The following KPNA3 variants were observed in gnomAD, a reference collection of about 807,000 sequenced individuals.
KPNA3 encodes the protein karyopherin subunit alpha 3, also known as importin subunit alpha-4.
A neutral mutation model predicts 73.8 loss-of-function variants in KPNA3; 13 were observed. That is an observed-to-expected ratio of 0.18 (90% CI 0.11 to 0.28). The LOEUF (loss-of-function observed/expected upper bound fraction) is 0.28. Ranked by LOEUF, KPNA3 falls within the 10% of genes least tolerant of loss-of-function variation. KPNA3 has a pLI of 1.00. For missense variants in KPNA3, 360 were observed against 618.1 expected (o/e 0.58, Z 4.43); for synonymous variants, 186 against 206.9 (o/e 0.90, Z 0.87).
At position 49,701,813 on chromosome 13, in the gene KPNA3, T is replaced by C; in HGVS notation, c.1553A>G (p.Glu518Gly). The C allele has an allele frequency of 6.2e-7, 1 of 1,603,800 alleles. No individual in the cohort carries two copies. The highest frequency in any genetic ancestry group is 8.5e-7 in the Non-Finnish European group (1 of 1,170,550). The change falls in exon 17 of 17, where the codon GAA becomes GGA. Residue 518 changes from glutamate to glycine, a missense_variant. Physicochemically the swap from Glu to Gly is moderately conservative, Grantham distance 98. Coordinates refer to ENST00000261667, the MANE Select transcript of KPNA3 (RefSeq NM_002267.4). ...FDPTANLQTK[E>G]FNF ...ACTCAACTGAATTTAAAAATTAAATTCTTTTGTTTGAAGGTTGGCTGTTGG... is the reference window on the plus strand; with the variant it reads ...ACTCAACTGAATTTAAAAATTAAATCCTTTTGTTTGAAGGTTGGCTGTTGG...
chr13:49,735,547 T>C (rs1954514454), intron 2 of KPNA3, among the ~76,000 whole-genome samples: 1 of 152,110 alleles, frequency 6.6e-6, no homozygotes, highest in African/African-American at 2.4e-5. Flanking sequence ...TACCTAGAGA[T>C]TTTTACCCTC....
chr13:49,781,659 C>T (rs1221006249), intron 1 of KPNA3, among the ~76,000 whole-genome samples: 1 of 152,220 alleles, frequency 6.6e-6, no homozygotes, highest in Non-Finnish European at 1.5e-5. Flanking sequence ...CTGAACAACA[C>T]TTGGATCCCG....
intron 2 of KPNA3, among the ~76,000 whole-genome samples, chr13:49,737,847 A>G (rs1305748822): frequency 1.3e-5 from 2 of 152,286 alleles, no homozygotes; most frequent in Admixed American, 6.5e-5. Context: ...GGTTTAACAG[A>G]TATTTTCTTC....
intron 1 of KPNA3, among the ~76,000 whole-genome samples, chr13:49,749,098 A>G (rs988750153): frequency 2.6e-5 from 4 of 152,250 alleles, no homozygotes; most frequent in African/African-American, 9.6e-5. Context: ...ATGCATAACA[A>G]AAAGATCCAG....
chr13:49,708,009 T>G (rs1954223993), intron 12 of KPNA3, among the ~76,000 whole-genome samples: 1 of 150,946 alleles, frequency 6.6e-6, no homozygotes, highest in South Asian at 2.1e-4. Context: ...TTTTTTTTTT[T>G]TTTTGAGACA....
intron 16 of KPNA3, 149 bp from the exon 17 acceptor site, chr13:49,702,047 G>A (rs916965088): frequency 1.3e-4 from 75 of 588,754 alleles, no homozygotes; most frequent in South Asian, 1.0e-3. Context: ...ATTTTATTAA[G>A]AAATTTAACA....
chr13:49,704,434 A>AAAAT (rs58331212), intron 15 of KPNA3, among the ~76,000 whole-genome samples: 23 of 130,956 alleles, frequency 1.8e-4, no homozygotes, highest in Admixed American at 3.8e-4. Context: ...AAATAAATAA[A>AAAAT]AAATAAATAA....
intron 1 of KPNA3, among the ~76,000 whole-genome samples, chr13:49,772,320 T>C (rs1954862291): frequency 6.6e-6 from 1 of 152,170 alleles, no homozygotes. Context: ...TCAGATGCTC[T>C]TCATCAAGAG....
intron 6 of KPNA3, among the ~76,000 whole-genome samples, chr13:49,730,715 C>T (rs985296755): frequency 6.7e-6 from 1 of 149,904 alleles, no homozygotes; most frequent in African/African-American, 2.5e-5. Context: ...GTGTGCTGCA[C>T]CCATTAACTC....
chr13:49,743,871 T>A (rs535842079), intron 2 of KPNA3, among the ~76,000 whole-genome samples: 62 of 152,276 alleles, frequency 4.1e-4, no homozygotes, highest in Non-Finnish European at 7.4e-5. Flanking sequence ...TGGTGGCAGA[T>A]GGTGTAATGT....
chr13:49,705,506 G>T, intron 15 of KPNA3, 115 bp downstream of exon 15: 2 of 1,055,256 alleles, frequency 1.9e-6, no homozygotes, highest in Non-Finnish European at 1.4e-6. Context: ...AACATACTGT[G>T]ATCATTTAAA....
intron 1 of KPNA3, among the ~76,000 whole-genome samples, chr13:49,748,845 G>A (rs1440503170): frequency 6.6e-6 from 1 of 152,030 alleles, no homozygotes; most frequent in Non-Finnish European, 1.5e-5. Context: ...TTAATACAGA[G>A]AATGTCTTAC....
chr13:49,707,508 G>A (rs1032572332), intron 12 of KPNA3, among the ~76,000 whole-genome samples: 11 of 151,968 alleles, frequency 7.2e-5, no homozygotes, highest in African/African-American at 1.5e-4. Flanking sequence ...AATTTTCAAG[G>A]CAAAAAATTT....
chr13:49,737,723 C>T (rs575876026), intron 2 of KPNA3, among the ~76,000 whole-genome samples: 10 of 152,122 alleles, frequency 6.6e-5, no homozygotes, highest in Non-Finnish European at 1.3e-4. Context: ...TTGTTTTTGC[C>T]TCAGCCTCCT....
chr13:49,706,244 C>T lies in KPNA3; in HGVS notation c.1137+24G>A, dbSNP rs548539411. 20 of 1,609,238 alleles carry T rather than the reference C, an allele frequency of 1.2e-5. No homozygotes were observed. The East Asian group carries it at 1.6e-4, about 13-fold the overall frequency. On this transcript the variant is annotated intron_variant, in intron 13 of 16. Coordinates refer to ENST00000261667, the MANE Select transcript of KPNA3 (RefSeq NM_002267.4). The stretch of plus-strand genomic sequence containing the variant: ...TTGGTTATTAACAGATTAACAGACA[C>T]GGTGAACTCATAATATGACCAACCT...
rs769638814 is a variant in KPNA3 at position 49,732,628 on chromosome 13, T to C, written c.264A>G (p.Gln88=). 4.3e-6 allele frequency: 7 copies of C among 1,611,812 alleles called. No individual in the cohort carries two copies. The highest frequency in any genetic ancestry group is 3.3e-5 in the Admixed American group (2 of 59,916). ...QNATSDNPVV[Q]LSAVQAARKL... is the part of the protein sequence containing the mutation. ...ACCTTGCTGCCTGGACAGCACTCAA[T>C]TGGACCACTGGGTTATCACTTGTGG... is the stretch of plus-strand genomic sequence containing the variant. The change falls in exon 5 of 17, where the codon CAA becomes CAG. Residue 88 remains glutamine (Q), a synonymous_variant. Transcript: ENST00000261667.
intron 2 of KPNA3, among the ~76,000 whole-genome samples, chr13:49,744,786 C>T (rs1160776910): frequency 5.9e-5 from 9 of 151,998 alleles, no homozygotes; most frequent in South Asian, 2.1e-4. Context: ...AAAAAGGGGG[C>T]GGGGAAAGGG....
At chr13:49,763,366 T>A (rs1249555553) in intron 1 of KPNA3, among the ~76,000 whole-genome samples, 2 of 151,888 alleles carry the variant, frequency 1.3e-5, no homozygotes, top group Non-Finnish European at 2.9e-5. Flanking sequence ...AATTATGAAA[T>A]AAAAGAGGGC....
At chr13:49,734,570 A>C (rs1448397349) in intron 2 of KPNA3, among the ~76,000 whole-genome samples, 5 of 152,220 alleles carry the variant, frequency 3.3e-5, no homozygotes, top group Non-Finnish European at 7.3e-5. Context: ...TAAGTGTTTA[A>C]ACTGTGGACT....
Sources: gnomAD v4.1 joint callset for allele counts (sites outside exome capture counted in the v4.1 genomes callset) on GRCh38, gnomAD v4.1.1 for gene constraint, MANE v1.5 for transcripts, NCBI Gene and HGNC (gene_info 2026-07-23, HGNC 2026-07-21) for gene names.